Variants in GALNT13 observed in about 807,000 individuals in gnomAD.
GALNT13 encodes the protein polypeptide N-acetylgalactosaminyltransferase 13.
GALNT13 carries 28 observed loss-of-function variants against 64.2 expected under a neutral mutation model. The observed-to-expected ratio is 0.44, with a 90% CI of 0.32 to 0.60. The LOEUF (loss-of-function observed/expected upper bound fraction) is 0.60, where lower values mean the gene tolerates loss of function less well. Ranked by LOEUF, GALNT13 falls within the 20% of genes least tolerant of loss-of-function variation. The pLI is 0.05. For missense variants in GALNT13, 577 were observed against 669.8 expected, an observed-to-expected ratio of 0.86 and a Z score of 1.53; for synonymous variants, 214 against 224.6, an observed-to-expected ratio of 0.95 and a Z score of 0.42.
chr2:154,054,367 C>T (rs6435029), intron 3 of GALNT13, among the ~76,000 whole-genome samples: 114,764 of 151,846 alleles, frequency 0.76, 43,729 homozygotes, highest in East Asian at 0.96. Flanking sequence ...ATGTTATGAA[C>T]TGACATTCTT....
At chr2:153,574,056 TTGTC>T in the GALNT13 span, among the ~76,000 whole-genome samples, 1 of 152,056 alleles carries the variant, frequency 6.6e-6, no homozygotes, top group African/African-American at 2.4e-5. Context: ...CAGCTTTTGT[TTGTC>T]TGGGAAAGTT....
At chr2:153,884,496 T>C (rs2105248163) in intron 1 of GALNT13, among the ~76,000 whole-genome samples, 1 of 151,964 alleles carries the variant, frequency 6.6e-6, no homozygotes, top group South Asian at 2.1e-4. Flanking sequence ...TTGGCACTTT[T>C]GTCACTGAAC....
At chr2:153,403,246 CA>C in the GALNT13 span, among the ~76,000 whole-genome samples, 1 of 150,778 alleles carries the variant, frequency 6.6e-6, no homozygotes, top group African/African-American at 2.4e-5. Flanking sequence ...GCTCGGGGGT[CA>C]GGGGTCAGGG....
chr2:154,075,127 A>G (rs80207017), intron 3 of GALNT13, among the ~76,000 whole-genome samples: 3,183 of 151,950 alleles, frequency 0.021, 53 homozygotes, highest in Non-Finnish European at 0.03. Flanking sequence ...TTCATGGATG[A>G]AATGAGAGGT....
chr2:154,211,626 C>T (rs1573884991), intron 4 of GALNT13, among the ~76,000 whole-genome samples: 1 of 34,962 alleles, frequency 2.9e-5, no homozygotes, highest in African/African-American at 1.2e-4. Context: ...GAAACTCCAT[C>T]TCCAAAAAAA....
chr2:154,397,903 AT>A (rs578255303), intron 10 of GALNT13, among the ~76,000 whole-genome samples: 1 of 152,104 alleles, frequency 6.6e-6, no homozygotes, highest in Non-Finnish European at 1.5e-5. Context: ...ACCTCAAAGT[AT>A]TTTTTTGTTT....
chr2:154,138,326 A>T (rs961157098), intron 3 of GALNT13, among the ~76,000 whole-genome samples: 7 of 152,078 alleles, frequency 4.6e-5, no homozygotes, highest in African/African-American at 9.7e-5. Flanking sequence ...TGCCAGTTTA[A>T]TTCTTATATC....
At chr2:153,380,423 G>A in the GALNT13 span, among the ~76,000 whole-genome samples, 17 of 152,042 alleles carry the variant, frequency 1.1e-4, no homozygotes, top group African/African-American at 4.1e-4. Flanking sequence ...AGTGAGCTAT[G>A]AATGCACAAC....
chr2:153,737,896 T>A, the GALNT13 span, among the ~76,000 whole-genome samples: 2 of 152,064 alleles, frequency 1.3e-5, no homozygotes, highest in Admixed American at 6.6e-5. Context: ...ATTATAGAAA[T>A]AAATGTAAGT....
intron 9 of GALNT13, among the ~76,000 whole-genome samples, chr2:154,355,957 G>A (rs1696722498): frequency 6.6e-6 from 1 of 151,912 alleles, no homozygotes; most frequent in African/African-American, 2.4e-5. Context: ...ATTGCCATGT[G>A]TTCTTATTGA....
chr2:154,112,422 T>C (rs1287786208), intron 3 of GALNT13, among the ~76,000 whole-genome samples: 1 of 152,210 alleles, frequency 6.6e-6, no homozygotes, highest in Non-Finnish European at 1.5e-5. Context: ...AATCCTCCTC[T>C]GCTGAGGTCA....
At chr2:153,392,822 C>A in the GALNT13 span, among the ~76,000 whole-genome samples, 1 of 151,948 alleles carries the variant, frequency 6.6e-6, no homozygotes, top group Non-Finnish European at 1.5e-5. Context: ...CCAATGCAAT[C>A]ATATTAAAAG....
intron 3 of GALNT13, among the ~76,000 whole-genome samples, chr2:154,043,207 G>A (rs1699081126): frequency 6.6e-6 from 1 of 151,836 alleles, no homozygotes; most frequent in South Asian, 2.1e-4. Context: ...CTGAAATGCT[G>A]GACACAGAAC....
At chr2:153,097,665 G>A in the GALNT13 span, among the ~76,000 whole-genome samples, 27 of 152,116 alleles carry the variant, frequency 1.8e-4, no homozygotes, top group Non-Finnish European at 3.5e-4. Context: ...TTTATTCAGA[G>A]TTAATTTTTA....
intron 4 of GALNT13, among the ~76,000 whole-genome samples, chr2:154,209,289 A>G (rs969068946): frequency 2.0e-5 from 3 of 152,112 alleles, no homozygotes; most frequent in Non-Finnish European, 4.4e-5. Context: ...TGGTTGACCT[A>G]TTTTTAGGTC....
At chr2:154,299,628 T>A (rs1693307155) in intron 8 of GALNT13, among the ~76,000 whole-genome samples, 1 of 151,332 alleles carries the variant, frequency 6.6e-6, no homozygotes, top group South Asian at 2.1e-4. Flanking sequence ...CTAATTTTTT[T>A]TTTTTTTTCT....
chr2:154,100,090 A>G (rs978090811), intron 3 of GALNT13, among the ~76,000 whole-genome samples: 4 of 152,100 alleles, frequency 2.6e-5, no homozygotes, highest in Non-Finnish European at 2.9e-5. Flanking sequence ...TACCAATACC[A>G]TGCAGTTTTG....
chr2:153,502,514 T>C, the GALNT13 span, among the ~76,000 whole-genome samples: 4 of 152,254 alleles, frequency 2.6e-5, no homozygotes, highest in Admixed American at 2.6e-4. Context: ...GCTGGTTCCA[T>C]ATTTTTGCAA....
intron 3 of GALNT13, among the ~76,000 whole-genome samples, chr2:154,129,937 A>G (rs1682516774): frequency 6.6e-6 from 1 of 151,926 alleles, no homozygotes; most frequent in Admixed American, 6.6e-5. Flanking sequence ...TCAGGTTCCT[A>G]CCTCAAGCCA....
Sources: gnomAD v4.1 joint callset for allele counts (sites outside exome capture counted in the v4.1 genomes callset) on GRCh38, gnomAD v4.1.1 for gene constraint, MANE v1.5 for transcripts, NCBI Gene and HGNC (gene_info 2026-07-23, HGNC 2026-07-21) for gene names.